The following SLIT3 variants were observed in gnomAD, a reference collection of about 807,000 sequenced individuals.
The protein encoded by SLIT3 is slit homolog 3 protein.
SLIT3 carries 68 observed loss-of-function variants against 184.0 expected under a neutral mutation model. That is an observed-to-expected ratio of 0.37 (90% confidence interval 0.30 to 0.45). SLIT3 has a LOEUF of 0.45. SLIT3 is among the 20% of genes least tolerant of loss of function. The pLI, the probability that SLIT3 is intolerant of heterozygous loss-of-function variation, is 1.00. For synonymous variants in SLIT3, 831 were observed against 828.6 expected, an observed-to-expected ratio of 1.00 and a Z score of -0.05; for missense variants, 1,707 against 2,026.0, an observed-to-expected ratio of 0.84 and a Z score of 3.02.
intron 3 of SLIT3, among the ~76,000 whole-genome samples, chr5:169,234,625 C>A (rs1476927398): frequency 6.6e-6 from 1 of 151,964 alleles, no homozygotes; most frequent in Non-Finnish European, 1.5e-5. Flanking sequence ...CCAGGCTGGT[C>A]TGGAACTCTT....
At chr5:168,779,956 G>C (rs888784729) in intron 12 of SLIT3, among the ~76,000 whole-genome samples, 3 of 152,234 alleles carry the variant, frequency 2.0e-5, no homozygotes, top group African/African-American at 7.2e-5. Flanking sequence ...GAGCCCCACT[G>C]TTAGCTACTG....
At chr5:169,252,231 A>AAGC (rs1765799947) in intron 1 of SLIT3, among the ~76,000 whole-genome samples, 1 of 152,220 alleles carries the variant, frequency 6.6e-6, no homozygotes, top group African/African-American at 2.4e-5. Flanking sequence ...CTCCATACCC[A>AAGC]ACATAGTAGA....
chr5:168,842,390 CTT>C (rs36178262), intron 6 of SLIT3, among the ~76,000 whole-genome samples: 6 of 141,562 alleles, frequency 4.2e-5, no homozygotes, highest in South Asian at 2.2e-4. Flanking sequence ...GGAATGAGAA[CTT>C]TTTTTTTTTT....
intron 2 of SLIT3, among the ~76,000 whole-genome samples, chr5:169,248,243 A>T (rs996848245): frequency 6.6e-6 from 1 of 152,046 alleles, no homozygotes; most frequent in African/African-American, 2.4e-5. Context: ...AATCTTGCCC[A>T]CACCGCTAAA....
intron 3 of SLIT3, among the ~76,000 whole-genome samples, chr5:169,214,817 C>T (rs557518543): frequency 1.3e-5 from 2 of 152,292 alleles, no homozygotes; most frequent in African/African-American, 4.8e-5. Context: ...AGCAAGGGCT[C>T]ATGCTTCCCT....
chr5:169,164,356 A>G (rs1762568360), intron 4 of SLIT3, among the ~76,000 whole-genome samples: 1 of 152,120 alleles, frequency 6.6e-6, no homozygotes, highest in South Asian at 2.1e-4. Context: ...GAGTCTCAGG[A>G]CCGCAGCCCC....
At chr5:168,792,786 A>G (rs1325818749) in intron 10 of SLIT3, among the ~76,000 whole-genome samples, 6 of 152,208 alleles carry the variant, frequency 3.9e-5, no homozygotes, top group Admixed American at 3.3e-4. Context: ...GCTTTGATAC[A>G]GGTTGAGTAT....
intron 17 of SLIT3, 24 bp from the exon 18 acceptor site, chr5:168,753,122 A>C (rs1343837314): frequency 6.2e-7 from 1 of 1,612,918 alleles, no homozygotes; most frequent in Non-Finnish European, 8.5e-7. Flanking sequence ...GGTGGGGATG[A>C]GAGAGCACAG....
intron 1 of SLIT3, among the ~76,000 whole-genome samples, chr5:169,280,688 A>T (rs1362143360): frequency 6.6e-6 from 1 of 152,192 alleles, no homozygotes; most frequent in Non-Finnish European, 1.5e-5. Context: ...TGGCTGGAGC[A>T]TCTCGGAATG....
At chr5:169,144,051 T>C (rs1258106879) in intron 4 of SLIT3, among the ~76,000 whole-genome samples, 1 of 152,200 alleles carries the variant, frequency 6.6e-6, no homozygotes, top group Non-Finnish European at 1.5e-5. Context: ...AGGTGCATAG[T>C]AGAATCTCCA....
intron 4 of SLIT3, among the ~76,000 whole-genome samples, chr5:169,019,205 G>A (rs564722022): frequency 6.6e-6 from 1 of 152,354 alleles, no homozygotes; most frequent in East Asian, 1.9e-4. Flanking sequence ...TCTTGCCAGT[G>A]CAAACACTGT....
At chr5:169,208,382 A>G (rs1034864293) in intron 3 of SLIT3, among the ~76,000 whole-genome samples, 1 of 152,136 alleles carries the variant, frequency 6.6e-6, no homozygotes, top group South Asian at 2.1e-4. Flanking sequence ...TGTTAGTGGT[A>G]TTCCTAGATA....
At chr5:168,695,974 G>A (rs966385841) in intron 28 of SLIT3, among the ~76,000 whole-genome samples, 20 of 152,156 alleles carry the variant, frequency 1.3e-4, no homozygotes, top group African/African-American at 4.1e-4. Context: ...CAATGCAAGC[G>A]CCTCTCTGCC....
At chr5:169,059,463 GT>G (rs1407612532) in intron 4 of SLIT3, among the ~76,000 whole-genome samples, 2 of 152,070 alleles carry the variant, frequency 1.3e-5, no homozygotes, top group African/African-American at 4.8e-5. Context: ...ACATCAAGTC[GT>G]TTACCTGAGT....
chr5:168,967,304 A>G (rs930161664), intron 4 of SLIT3, among the ~76,000 whole-genome samples: 9 of 151,988 alleles, frequency 5.9e-5, no homozygotes, highest in African/African-American at 2.2e-4. Flanking sequence ...TTCTAGGTGA[A>G]CAATCATGAG....
rs150830486 is a variant in SLIT3 at position 168,734,371 on chromosome 5, A to T, written c.2271-9887T>A. Among the ~76,000 whole-genome samples the T allele has an allele frequency of 5.3e-5, 8 of 152,260 alleles. No individual in the cohort carries two copies. The East Asian group carries it at 1.2e-3, about 22-fold the overall frequency. The stretch of plus-strand genomic sequence containing the variant: ...AGACTTTCCCTTGACCTCTGGTTCC[A>T]ACTCCACTGGCCTTAACCTTCCTAA... On this transcript the variant is annotated intron_variant, in intron 20 of 35. Transcript: ENST00000519560.
intron 8 of SLIT3, among the ~76,000 whole-genome samples, chr5:168,814,228 G>A (rs926806380): frequency 2.2e-4 from 34 of 151,712 alleles, no homozygotes; most frequent in Admixed American, 1.2e-3. Flanking sequence ...AAACCCCATC[G>A]CTACTAAAAA....
chr5:168,814,212 A>G (rs1757255429), intron 8 of SLIT3, among the ~76,000 whole-genome samples: 1 of 152,124 alleles, frequency 6.6e-6, no homozygotes, highest in Non-Finnish European at 1.5e-5. Context: ...CCTGGCCAAC[A>G]TGGTGAAACC....
chr5:169,273,703 G>C (rs1417616244), intron 1 of SLIT3, among the ~76,000 whole-genome samples: 1 of 152,152 alleles, frequency 6.6e-6, no homozygotes, highest in Non-Finnish European at 1.5e-5. Flanking sequence ...CTTTGAGGCT[G>C]AGTTTACAAG....
Sources: allele counts gnomAD v4.1 joint callset (sites outside exome capture counted in the v4.1 genomes callset), GRCh38; gene constraint gnomAD v4.1.1; transcripts MANE v1.5; gene names NCBI Gene and HGNC (gene_info 2026-07-23, HGNC 2026-07-21).